SLC35D2: variants seen among roughly 807,000 people sequenced by gnomAD.
SLC35D2 encodes solute carrier family 35 member D2, also known as nucleotide sugar transporter SLC35D2.
SLC35D2 carries 43 observed loss-of-function variants against 41.8 expected under a neutral mutation model. The observed-to-expected ratio is 1.03, with a 90% confidence interval of 0.81 to 1.33. SLC35D2 has a LOEUF of 1.33. Among genes scored for constraint, SLC35D2 ranks in the 40% most tolerant of loss-of-function variants. The pLI is 0.00. For missense variants in SLC35D2, 380 were observed against 408.4 expected (o/e 0.93, Z 0.60); for synonymous variants, 150 against 163.9 (o/e 0.92, Z 0.65).
At chr9:96,378,473 A>G (rs1467035137) in intron 1 of SLC35D2, among the ~76,000 whole-genome samples, 1 of 152,150 alleles carries the variant, frequency 6.6e-6, no homozygotes, top group East Asian at 1.9e-4. Flanking sequence ...AAGCCTTTGG[A>G]TGCATACTAA....
In SLC35D2 at chr9:96,379,204, G is replaced by A. The variant is rs1206999837; in HGVS notation, c.158+4273C>T. ...CTCCTATAGTCTCAGCTACTCAGGA[G>A]GCTGAGGTGGGAAGATCACTTGAGC... On this transcript the variant is annotated intron_variant, in intron 1 of 11. Coordinates refer to ENST00000253270, the MANE Select transcript of SLC35D2 (RefSeq NM_007001.3). Among the ~76,000 whole-genome samples the A allele has an allele frequency of 2.0e-5, 3 of 151,764 alleles. No homozygotes were observed. The East Asian group carries it at 5.8e-4, about 29-fold the overall frequency.
chr9:96,323,499 T>C (rs1052536653), intron 10 of SLC35D2, among the ~76,000 whole-genome samples: 13 of 152,154 alleles, frequency 8.5e-5, no homozygotes, highest in East Asian at 3.9e-4. Flanking sequence ...CCTGGACTGA[T>C]TTTATTCTTT....
In SLC35D2 at chr9:96,368,256, A is replaced by AT. The variant is rs776649714; in HGVS notation, c.192+15dup. The AT allele has an allele frequency of 3.9e-5, 62 of 1,582,286 alleles. No homozygotes were observed. The highest frequency in any genetic ancestry group is 6.7e-5 in the East Asian group (3 of 44,622). Reference sequence around the variant, plus strand: ...GATAACAAAATAAGAGGTTAATTCTATTTTTTTTCACTCACCTGTCCAATT... The same window carrying AT: ...GATAACAAAATAAGAGGTTAATTCTATTTTTTTTTCACTCACCTGTCCAATT... On this transcript the variant is annotated intron_variant, in intron 2 of 11. Coordinates refer to ENST00000253270, the MANE Select transcript of SLC35D2 (RefSeq NM_007001.3).
chr9:96,342,803 C>A (rs1301418176), intron 8 of SLC35D2, among the ~76,000 whole-genome samples: 1 of 152,174 alleles, frequency 6.6e-6, no homozygotes, highest in Non-Finnish European at 1.5e-5. Flanking sequence ...AGGAGCTGCC[C>A]AGGAGTCCAC....
At chr9:96,366,029 C>T (rs980012233) in intron 2 of SLC35D2, among the ~76,000 whole-genome samples, 13 of 152,136 alleles carry the variant, frequency 8.5e-5, no homozygotes, top group South Asian at 4.1e-4. Context: ...ATTGGCCAGG[C>T]GCAGTGGCTC....
intron 6 of SLC35D2, among the ~76,000 whole-genome samples, chr9:96,349,674 TGCC>T: frequency 6.6e-6 from 1 of 152,124 alleles, no homozygotes; most frequent in East Asian, 1.9e-4. Flanking sequence ...TATAGGCACC[TGCC>T]ACCACACCTG....
At chr9:96,340,226 T>C (rs770250489) in intron 8 of SLC35D2, among the ~76,000 whole-genome samples, 10 of 152,214 alleles carry the variant, frequency 6.6e-5, no homozygotes, top group African/African-American at 1.2e-4. Context: ...TGTTGTTTTT[T>C]GCTTTTTGTT....
At chr9:96,355,455 T>C (rs1286315133) in intron 4 of SLC35D2, among the ~76,000 whole-genome samples, 1 of 151,340 alleles carries the variant, frequency 6.6e-6, no homozygotes, top group Non-Finnish European at 1.5e-5. Flanking sequence ...CCACTTGTAC[T>C]CCAGTCTGGG....
At chr9:96,364,691 CTA>C (rs1830408462) in intron 2 of SLC35D2, 141 bp from the exon 3 acceptor site, 1 of 673,254 alleles carries the variant, frequency 1.5e-6, no homozygotes, top group Non-Finnish European at 2.6e-6. Context: ...AAAAAAATAA[CTA>C]TTTCTTAGAA....
chr9:96,331,877 T>C (rs1828826547), intron 9 of SLC35D2, among the ~76,000 whole-genome samples: 1 of 152,194 alleles, frequency 6.6e-6, no homozygotes, highest in South Asian at 2.1e-4. Context: ...TTGAGGGATG[T>C]AGGTTGCATG....
intron 2 of SLC35D2, among the ~76,000 whole-genome samples, chr9:96,365,358 CAAAA>C (rs951601365): frequency 7.7e-6 from 1 of 129,110 alleles, no homozygotes; most frequent in South Asian, 2.5e-4. Flanking sequence ...GACTCTATCT[CAAAA>C]AAAAAAAAAA....
At chr9:96,346,389 A>G (rs1248900983) in intron 6 of SLC35D2, among the ~76,000 whole-genome samples, 2 of 152,138 alleles carry the variant, frequency 1.3e-5, no homozygotes, top group East Asian at 1.9e-4. Flanking sequence ...GATGAACGAG[A>G]AGGGTTCTTT....
At chr9:96,324,203 C>T in intron 9 of SLC35D2, 34 bp from the exon 10 acceptor site, 1 of 1,551,546 alleles carries the variant, frequency 6.4e-7, no homozygotes, top group Non-Finnish European at 8.9e-7. Context: ...GAGTGTGTGC[C>T]TCACTACGCT....
chr9:96,353,374 G>T (rs202018043), intron 4 of SLC35D2, among the ~76,000 whole-genome samples: 1 of 71,912 alleles, frequency 1.4e-5, no homozygotes. Context: ...TTTATTTAGA[G>T]ATAGAGTCTC....
At chr9:96,378,495 A>G (rs1483682569) in intron 1 of SLC35D2, among the ~76,000 whole-genome samples, 1 of 152,188 alleles carries the variant, frequency 6.6e-6, no homozygotes, top group Non-Finnish European at 1.5e-5. Context: ...CATATATAGT[A>G]AATAGTGAGC....
chr9:96,316,111 G>A (rs755851982), downstream of SLC35D2, among the ~76,000 whole-genome samples: 4 of 152,314 alleles, frequency 2.6e-5, no homozygotes, highest in South Asian at 8.3e-4. Flanking sequence ...GTTGGTTAGA[G>A]GTTAGGGAAA....
intron 9 of SLC35D2, among the ~76,000 whole-genome samples, chr9:96,335,047 A>C: frequency 6.6e-6 from 1 of 152,360 alleles, no homozygotes; most frequent in Middle Eastern, 3.4e-3. Context: ...AATTGAAATC[A>C]AGTTTGAGAA....
chr9:96,366,382 T>C (rs899833307), intron 2 of SLC35D2, among the ~76,000 whole-genome samples: 4 of 151,988 alleles, frequency 2.6e-5, no homozygotes, highest in African/African-American at 9.7e-5. Flanking sequence ...ATTCAGACTT[T>C]TAAAATTAGA....
intron 8 of SLC35D2, among the ~76,000 whole-genome samples, chr9:96,338,128 G>A (rs1164342153): frequency 6.6e-6 from 1 of 151,884 alleles, no homozygotes; most frequent in Non-Finnish European, 1.5e-5. Flanking sequence ...ATCCAAAAAC[G>A]ATCTGAAAGT....
Sources: allele counts gnomAD v4.1 joint callset (sites outside exome capture counted in the v4.1 genomes callset), GRCh38; gene constraint gnomAD v4.1.1; transcripts MANE v1.5; gene names NCBI Gene and HGNC (gene_info 2026-07-23, HGNC 2026-07-21).